The following DAPK1 variants were observed in gnomAD, a reference collection of about 807,000 sequenced individuals.
DAPK1 encodes the protein death-associated protein kinase 1.
A neutral mutation model predicts 144.9 loss-of-function variants in DAPK1; 56 were observed. The observed-to-expected ratio is 0.39, with a 90% CI of 0.31 to 0.48. The LOEUF (loss-of-function observed/expected upper bound fraction) is 0.48. DAPK1 is among the 20% of genes least tolerant of loss of function. DAPK1 has a pLI of 0.95. For synonymous variants in DAPK1, 690 were observed against 749.0 expected, an observed-to-expected ratio of 0.92 and a Z score of 1.29; for missense variants, 1,454 against 1,875.4, an observed-to-expected ratio of 0.78 and a Z score of 4.15.
chr9:87,586,964 C>T (rs545418897), intron 2 of DAPK1, among the ~76,000 whole-genome samples: 3 of 152,324 alleles, frequency 2.0e-5, no homozygotes, highest in South Asian at 2.1e-4. Flanking sequence ...TCAATTTCAC[C>T]CACCTGTCCA....
At chr9:87,591,107 G>A (rs1828117272) in intron 2 of DAPK1, among the ~76,000 whole-genome samples, 1 of 152,202 alleles carries the variant, frequency 6.6e-6, no homozygotes, top group Non-Finnish European at 1.5e-5. Flanking sequence ...ATGGCTGAAG[G>A]CAACTGCTTA....
At chr9:87,503,646 T>C (rs1471098260) in intron 2 of DAPK1, among the ~76,000 whole-genome samples, 3 of 152,178 alleles carry the variant, frequency 2.0e-5, no homozygotes, top group Non-Finnish European at 4.4e-5. Context: ...AGTGGATCAA[T>C]ATATGTAAAG....
chr9:87,704,450 T>C (rs3793646), intron 25 of DAPK1, among the ~76,000 whole-genome samples: 2 of 152,188 alleles, frequency 1.3e-5, no homozygotes, highest in Non-Finnish European at 2.9e-5. Flanking sequence ...GGAACTACAT[T>C]GTGTGGCCCG....
intron 2 of DAPK1, among the ~76,000 whole-genome samples, chr9:87,557,228 A>G: frequency 6.6e-6 from 1 of 152,138 alleles, no homozygotes; most frequent in South Asian, 2.1e-4. Context: ...CCACACATCC[A>G]TCCAGGCAGC....
intron 3 of DAPK1, among the ~76,000 whole-genome samples, chr9:87,609,417 C>T (rs550635226): frequency 6.6e-6 from 1 of 152,200 alleles, no homozygotes; most frequent in Non-Finnish European, 1.5e-5. Flanking sequence ...ACAGAAAGTG[C>T]ACCCTTACTA....
chr9:87,659,899 C>T (rs1830776722), intron 18 of DAPK1, among the ~76,000 whole-genome samples: 1 of 152,208 alleles, frequency 6.6e-6, no homozygotes. Flanking sequence ...CAGGCACGCG[C>T]CCCTCAGGAG....
In DAPK1 at chr9:87,511,085, G is replaced by A. The variant is rs76581007; in HGVS notation, c.62+11946G>A. Among the ~76,000 whole-genome samples, 727 of 152,236 alleles carry A rather than the reference G, an allele frequency of 4.8e-3. 2 individuals carry two copies. The highest frequency in any genetic ancestry group is 6.8e-3 in the Middle Eastern group (2 of 294). ...CCCTGGCCTCCCACAGGCAGAGTGC[G>A]GGTGAGGGCTCACTTCTCCTCAGTT... is the stretch of plus-strand genomic sequence containing the variant. On this transcript the variant is annotated intron_variant, in intron 2 of 25. Transcript: ENST00000408954.
chr9:87,608,168 G>C (rs1420610994), intron 3 of DAPK1, among the ~76,000 whole-genome samples: 1 of 152,116 alleles, frequency 6.6e-6, no homozygotes, highest in Non-Finnish European at 1.5e-5. Flanking sequence ...ATTATAATCC[G>C]ACATGAGATT....
chr9:87,597,011 G>T (rs897108954), intron 2 of DAPK1, among the ~76,000 whole-genome samples: 15 of 152,138 alleles, frequency 9.9e-5, no homozygotes, highest in Non-Finnish European at 1.5e-4. Context: ...TCTCACAGCT[G>T]CTGTCAGCTC....
intron 2 of DAPK1, among the ~76,000 whole-genome samples, chr9:87,558,940 A>G (rs1826811023): frequency 6.6e-6 from 1 of 152,164 alleles, no homozygotes; most frequent in Non-Finnish European, 1.5e-5. Context: ...GGTACCACCC[A>G]TTCCAGTCAC....
At chr9:87,518,111 T>G (rs1329107528) in intron 2 of DAPK1, among the ~76,000 whole-genome samples, 25 of 131,790 alleles carry the variant, frequency 1.9e-4, no homozygotes, top group African/African-American at 7.6e-4. Flanking sequence ...TGTTGTTTTT[T>G]TTTTTTTTTT....
At chr9:87,679,544 C>A (rs17053329) in intron 19 of DAPK1, among the ~76,000 whole-genome samples, 3,649 of 152,194 alleles carry the variant, frequency 0.024, 65 homozygotes, top group Middle Eastern at 0.048. Context: ...CACTGAACGC[C>A]TTGCCTACAC....
intron 2 of DAPK1, among the ~76,000 whole-genome samples, chr9:87,543,954 A>G (rs906564475): frequency 2.0e-5 from 3 of 152,218 alleles, no homozygotes; most frequent in Non-Finnish European, 4.4e-5. Context: ...TGTTGAAATA[A>G]TAAAGGTAGA....
chr9:87,640,746 C>T, intron 8 of DAPK1, 56 bp from the exon 9 acceptor site: 1 of 1,576,204 alleles, frequency 6.3e-7, no homozygotes, highest in Non-Finnish European at 8.7e-7. Flanking sequence ...TGAAAACAAC[C>T]TTAGTATTTG....
At chr9:87,502,367 G>A (rs1017101104) in intron 2 of DAPK1, among the ~76,000 whole-genome samples, 91 of 152,130 alleles carry the variant, frequency 6.0e-4, no homozygotes, top group African/African-American at 1.8e-3. Flanking sequence ...CCCAGGAGGC[G>A]GAACAAAGAA....
At chr9:87,613,484 G>A (rs1256395697) in intron 3 of DAPK1, among the ~76,000 whole-genome samples, 1 of 152,120 alleles carries the variant, frequency 6.6e-6, no homozygotes, top group African/African-American at 2.4e-5. Context: ...GTAGGATCAC[G>A]GTTCAGTTGG....
At chr9:87,546,151 A>C (rs995935863) in intron 2 of DAPK1, among the ~76,000 whole-genome samples, 1 of 152,090 alleles carries the variant, frequency 6.6e-6, no homozygotes, top group Non-Finnish European at 1.5e-5. Context: ...TTTAAAATGT[A>C]GGTTTTATTC....
At chr9:87,633,898 A>T (rs1399090239) in intron 3 of DAPK1, among the ~76,000 whole-genome samples, 2 of 152,106 alleles carry the variant, frequency 1.3e-5, no homozygotes, top group Non-Finnish European at 2.9e-5. Context: ...GTTTATTAAG[A>T]ACTATACTTA....
chr9:87,663,873 G>A (rs181974610), intron 18 of DAPK1, among the ~76,000 whole-genome samples: 3 of 152,112 alleles, frequency 2.0e-5, no homozygotes, highest in Admixed American at 2.0e-4. Context: ...CAGGATCATG[G>A]AAACCCTTCT....
Sources: gnomAD v4.1 joint callset for allele counts (sites outside exome capture counted in the v4.1 genomes callset) on GRCh38, gnomAD v4.1.1 for gene constraint, MANE v1.5 for transcripts, NCBI Gene and HGNC (gene_info 2026-07-23, HGNC 2026-07-21) for gene names.